The following PRKN variants were observed in gnomAD, a reference collection of about 807,000 sequenced individuals.
PRKN encodes the protein E3 ubiquitin-protein ligase parkin.
PRKN carries 56 observed loss-of-function variants against 59.5 expected under a neutral mutation model. The ratio of observed to expected loss-of-function variants is 0.94; its 90% CI spans 0.76 to 1.18. PRKN has a LOEUF of 1.18. Ranked by LOEUF, PRKN falls within the 50% of genes most tolerant of loss-of-function variation. PRKN has a pLI of 0.00. For synonymous variants in PRKN, 250 were observed against 222.1 expected (o/e 1.13, Z -1.12); for missense variants, 657 against 596.4 (o/e 1.10, Z -1.06).
intron 6 of PRKN, among the ~76,000 whole-genome samples, chr6:161,943,919 TTGAGGAAGCAGCC>T (rs1365552572): frequency 4.6e-5 from 6 of 131,070 alleles, no homozygotes; most frequent in Admixed American, 3.8e-4. Context: ...GGGATCAGCC[TTGAGGAAGCAGCC>T]TGAGGAAGCA....
chr6:161,570,275 A>G (rs998717911), intron 7 of PRKN, among the ~76,000 whole-genome samples: 3 of 146,482 alleles, frequency 2.0e-5, no homozygotes, highest in African/African-American at 7.4e-5. Context: ...ACATATATAA[A>G]TTATATATGT....
chr6:162,492,803 A>T (rs1792877664), intron 1 of PRKN, among the ~76,000 whole-genome samples: 1 of 152,034 alleles, frequency 6.6e-6, no homozygotes. Context: ...ATACAAAAAA[A>T]TTAGCCAGGT....
At position 161,487,204 on chromosome 6, in the gene PRKN, C is replaced by A. The variant is rs567576524; in HGVS notation, c.1083+61650G>T. Among the ~76,000 whole-genome samples, 1 of 152,316 alleles carries A rather than the reference C, an allele frequency of 6.6e-6. No individual in the cohort carries two copies. Among genetic ancestry groups the A allele is most frequent in the East Asian group, 1.9e-4 (1 of 5,176 alleles). Reference sequence around the variant, plus strand: ...ATCCAAAAGCAATTCTGAGTGAAGTCCTATCCCTCAACCCTTTTTACAGGA... The same window carrying A: ...ATCCAAAAGCAATTCTGAGTGAAGTACTATCCCTCAACCCTTTTTACAGGA... On this transcript the variant is annotated intron_variant, in intron 9 of 11. Coordinates refer to ENST00000366898, the MANE Select transcript of PRKN (RefSeq NM_004562.3). The surrounding 1 kb of genome is among the most constrained non-coding windows in gnomAD (Gnocchi z 5.3).
chr6:162,289,676 A>G (rs1781338979), intron 2 of PRKN, among the ~76,000 whole-genome samples: 1 of 141,402 alleles, frequency 7.1e-6, no homozygotes, highest in Admixed American at 7.3e-5. Flanking sequence ...CAACAGAGCG[A>G]GACACTGTCT....
intron 1 of PRKN, among the ~76,000 whole-genome samples, chr6:162,517,579 A>G (rs1468895174): frequency 6.6e-6 from 1 of 151,958 alleles, no homozygotes; most frequent in East Asian, 1.9e-4. Flanking sequence ...AATTCCCTAA[A>G]TTAAAAATTA....
intron 7 of PRKN, among the ~76,000 whole-genome samples, chr6:161,690,617 G>A (rs904423017): frequency 9.2e-5 from 14 of 152,178 alleles, no homozygotes; most frequent in African/African-American, 3.4e-4. Context: ...GAGAAAAGCA[G>A]ATGGCCTCCC....
At chr6:161,662,084 T>C (rs1428561279) in intron 7 of PRKN, among the ~76,000 whole-genome samples, 1 of 152,118 alleles carries the variant, frequency 6.6e-6, no homozygotes, top group Non-Finnish European at 1.5e-5. Flanking sequence ...AAGTATCCCA[T>C]TCTGTATGGA....
Position 161,378,501 on chromosome 6 carries a change from G to A in PRKN, c.1167+8293C>T, listed in dbSNP as rs1234087281. Among the ~76,000 whole-genome samples the A allele has an allele frequency of 6.6e-6, 1 of 152,220 alleles. No homozygotes were observed. The highest frequency in any genetic ancestry group is 1.5e-5 in the Non-Finnish European group (1 of 68,042). On this transcript the variant is annotated intron_variant, in intron 10 of 11. Transcript: ENST00000366898. The surrounding 1 kb of genome is among the most constrained non-coding windows in gnomAD (Gnocchi z 7.3). Reference sequence around the variant, plus strand: ...GGTGGATCACAGTGACACCAGGGAAGATGAAGACACTCCATCTTGACAGGA... The same window carrying A: ...GGTGGATCACAGTGACACCAGGGAAAATGAAGACACTCCATCTTGACAGGA...
chr6:161,546,190 G>T lies in PRKN; in HGVS notation c.1083+2664C>A, dbSNP rs1413731328. Among the ~76,000 whole-genome samples the T allele has an allele frequency of 6.6e-6, 1 of 152,134 alleles. No homozygotes were observed. The highest frequency in any genetic ancestry group is 1.5e-5 in the Non-Finnish European group (1 of 68,016). Reference sequence around the variant, plus strand: ...TAAATAAATCTGCACTTAACTCTGTGCCAGGAACTATTCTAAGTATTTTAC... The same window carrying T: ...TAAATAAATCTGCACTTAACTCTGTTCCAGGAACTATTCTAAGTATTTTAC... On this transcript the variant is annotated intron_variant, in intron 9 of 11. Coordinates refer to ENST00000366898, the MANE Select transcript of PRKN (RefSeq NM_004562.3). This position sits in a 1 kb window ranked among gnomAD's most constrained non-coding sequence, Gnocchi z 4.4.
intron 6 of PRKN, among the ~76,000 whole-genome samples, chr6:161,869,480 T>C (rs1343856837): frequency 1.3e-5 from 2 of 152,162 alleles, no homozygotes; most frequent in Non-Finnish European, 2.9e-5. Flanking sequence ...AGCTGATAAA[T>C]ACGAGGCCAA....
At chr6:162,543,294 TA>T (rs1778994078) in intron 1 of PRKN, among the ~76,000 whole-genome samples, 1 of 152,102 alleles carries the variant, frequency 6.6e-6, no homozygotes, top group East Asian at 1.9e-4. Flanking sequence ...CTCACCTTGA[TA>T]ATCCCAGGCT....
chr6:162,552,317 G>A (rs1209099677), intron 1 of PRKN, among the ~76,000 whole-genome samples: 10 of 152,128 alleles, frequency 6.6e-5, no homozygotes, highest in East Asian at 3.9e-4. Flanking sequence ...GGAAAGTGAA[G>A]GGACCGATCT....
intron 6 of PRKN, among the ~76,000 whole-genome samples, chr6:161,786,297 C>T (rs544636523): frequency 2.4e-4 from 36 of 152,166 alleles, no homozygotes; most frequent in African/African-American, 8.4e-4. Context: ...CATATCTTCT[C>T]CTTTCTCATA....
chr6:161,745,465 C>G (rs963450466), intron 7 of PRKN, among the ~76,000 whole-genome samples: 6 of 152,136 alleles, frequency 3.9e-5, no homozygotes, highest in Non-Finnish European at 7.3e-5. Flanking sequence ...AAGCAGGATA[C>G]AAAGTGTTCA....
At chr6:162,587,933 A>G (rs1000331416) in intron 1 of PRKN, among the ~76,000 whole-genome samples, 2 of 152,166 alleles carry the variant, frequency 1.3e-5, no homozygotes, top group African/African-American at 4.8e-5. Context: ...AATAATACAA[A>G]TAACTAGAAA....
chr6:161,918,485 CAG>C (rs1687996021), intron 6 of PRKN, among the ~76,000 whole-genome samples: 1 of 152,114 alleles, frequency 6.6e-6, no homozygotes, highest in Admixed American at 6.5e-5. Flanking sequence ...TACAATGAAA[CAG>C]AGATTGAGCC....
chr6:161,417,353 G>A lies in PRKN; in HGVS notation c.1084-30476C>T, dbSNP rs536524380. Among the ~76,000 whole-genome samples the A allele has an allele frequency of 6.6e-6, 1 of 151,806 alleles. No individual in the cohort carries two copies. Among genetic ancestry groups the A allele is most frequent in the African/African-American group, 2.4e-5 (1 of 41,248 alleles). On this transcript the variant is annotated intron_variant, in intron 9 of 11. Coordinates refer to ENST00000366898, the MANE Select transcript of PRKN (RefSeq NM_004562.3). This position sits in a 1 kb window ranked among gnomAD's most constrained non-coding sequence, Gnocchi z 5.4. ...TAGTCGCAGCTACTCGGGAGGCTAA[G>A]GCAGCAGAATCACTTGAACCTGGGA... is the stretch of plus-strand genomic sequence containing the variant.
At chr6:162,379,313 G>A (rs1786299890) in intron 2 of PRKN, among the ~76,000 whole-genome samples, 1 of 152,114 alleles carries the variant, frequency 6.6e-6, no homozygotes, top group African/African-American at 2.4e-5. Context: ...TATGGGCTGG[G>A]AGTAGGAGTC....
At chr6:162,311,876 GTCTT>G (rs1782533360) in intron 2 of PRKN, among the ~76,000 whole-genome samples, 1 of 151,642 alleles carries the variant, frequency 6.6e-6, no homozygotes, top group South Asian at 2.1e-4. Context: ...TCTTTTCACT[GTCTT>G]TCTGTCTTGA....
Sources: gnomAD v4.1 joint callset for allele counts (sites outside exome capture counted in the v4.1 genomes callset) on GRCh38, gnomAD v4.1.1 for gene constraint, Gnocchi (gnomAD v3.1) non-coding constraint, MANE v1.5 for transcripts, NCBI Gene and HGNC (gene_info 2026-07-23, HGNC 2026-07-21) for gene names.